The following GJC1 variants were observed in gnomAD, a reference collection of about 807,000 sequenced individuals.
GJC1 encodes the protein gap junction protein gamma 1, also known as gap junction gamma-1 protein.
GJC1 carries 5 observed loss-of-function variants against 29.3 expected under a neutral mutation model. That is an observed-to-expected ratio of 0.17 (90% CI 0.09 to 0.36). The LOEUF is 0.36. Ranked by LOEUF, GJC1 falls within the 10% of genes least tolerant of loss-of-function variation. GJC1 has a pLI of 1.00. For missense variants in GJC1, 310 were observed against 496.2 expected, an observed-to-expected ratio of 0.62 and a Z score of 3.56; for synonymous variants, 177 against 183.3, an observed-to-expected ratio of 0.97 and a Z score of 0.28.
chr17:44,812,334 T>TCAAAA (rs892396018), intron 1 of GJC1, among the ~76,000 whole-genome samples: 1 of 151,958 alleles, frequency 6.6e-6, no homozygotes, highest in South Asian at 2.1e-4. Flanking sequence ...AAAAATCAAA[T>TCAAAA]CAAAACAAAA....
intron 1 of GJC1, among the ~76,000 whole-genome samples, chr17:44,825,754 G>A (rs1399846811): frequency 6.7e-6 from 1 of 149,372 alleles, no homozygotes; most frequent in Non-Finnish European, 1.5e-5. Flanking sequence ...CACCCTGGGT[G>A]AAAGAGTGAG....
intron 2 of GJC1, among the ~76,000 whole-genome samples, chr17:44,806,401 G>GTTTTTTTTTTTTT (rs35152035): frequency 8.2e-6 from 1 of 122,136 alleles, no homozygotes; most frequent in Non-Finnish European, 1.7e-5. Flanking sequence ...TCTTCTGTTT[G>GTTTTTTTTTTTTT]TTTTTTTTTT....
intron 1 of GJC1, among the ~76,000 whole-genome samples, chr17:44,826,094 GTACTTTT>G (rs1485517064): frequency 3.9e-5 from 6 of 152,062 alleles, no homozygotes; most frequent in Non-Finnish European, 2.9e-5. Flanking sequence ...GTAATTTTTT[GTACTTTT>G]AGTAGAAATG....
Position 44,804,260 on chromosome 17 carries a change from A to T in GJC1, c.*367T>A, listed in dbSNP as rs2049884654. 2 of 179,412 alleles carry T rather than the reference A, an allele frequency of 1.1e-5. No homozygotes were observed. The highest frequency in any genetic ancestry group is 1.1e-4 in the Admixed American group (2 of 17,592). 11.1% of individuals were successfully genotyped at this position (179,412 alleles called of 1,614,324 possible). A position where few individuals can be genotyped will look rare whatever the true frequency, so the allele number is the denominator to read the frequency against. On this transcript the variant is annotated 3_prime_UTR_variant, in exon 3 of 3. Coordinates refer to ENST00000592524, the MANE Select transcript of GJC1 (RefSeq NM_005497.4). ...TCCCCTTTAATATAAAAGTATAACT[A>T]CAGCAGTTCAATGTACAAATACAAA... is the stretch of plus-strand genomic sequence containing the variant.
At chr17:44,797,406 AGTCCAATG>A (rs2049790598), downstream of GJC1, among the ~76,000 whole-genome samples, 1 of 152,216 alleles carries the variant, frequency 6.6e-6, no homozygotes, top group Non-Finnish European at 1.5e-5. Context: ...TCTAACAAGT[AGTCCAATG>A]GTCCAATGGT....
chr17:44,819,707 A>AAAT (rs2050087419), intron 1 of GJC1, among the ~76,000 whole-genome samples: 3 of 145,900 alleles, frequency 2.1e-5, no homozygotes, highest in South Asian at 2.3e-4. Context: ...AATAAATAAA[A>AAAT]AGAATTTCCT....
At chr17:44,821,708 AAAAAAAAAAAAAAAAAACAAC>A (rs1423227860) in intron 1 of GJC1, among the ~76,000 whole-genome samples, 2 of 146,060 alleles carry the variant, frequency 1.4e-5, no homozygotes, top group African/African-American at 5.1e-5. Context: ...AAAAAAAAAA[AAAAAAAAAAAAAAAAAACAAC>A]AAAAAAACAC....
At chr17:44,794,661 C>A (rs955213756), downstream of GJC1, 5 of 152,244 alleles carry the variant, frequency 3.3e-5, no homozygotes, top group African/African-American at 4.8e-5. Context: ...CGATCTAGTT[C>A]TGTATCATTT....
rs191992134 is a variant in GJC1 at position 44,823,152 on chromosome 17, G to C, written c.-97+6910C>G. On this transcript the variant is annotated intron_variant, in intron 1 of 2. Transcript: ENST00000592524. Reference sequence around the variant, plus strand: ...TATTGGGAGTTGAATATAGTTTAGAGATTAGAGGATAAGAATAGGGGTGTG... The same window carrying C: ...TATTGGGAGTTGAATATAGTTTAGACATTAGAGGATAAGAATAGGGGTGTG... Among the ~76,000 whole-genome samples, 569 of 151,822 alleles carry C rather than the reference G, an allele frequency of 3.7e-3. 4 individuals carry two copies. The highest frequency in any genetic ancestry group is 0.014 in the African/African-American group (559 of 41,402).
At chr17:44,825,403 T>A (rs886228815) in intron 1 of GJC1, among the ~76,000 whole-genome samples, 1 of 151,844 alleles carries the variant, frequency 6.6e-6, no homozygotes, top group Non-Finnish European at 1.5e-5. Flanking sequence ...GGCAAGAGAA[T>A]CTTGCCCAGG....
At chr17:44,795,907 T>A (rs975794805), downstream of GJC1, among the ~76,000 whole-genome samples, 41 of 152,220 alleles carry the variant, frequency 2.7e-4, no homozygotes, top group African/African-American at 9.6e-4. Flanking sequence ...GCTTGGAGAA[T>A]GAGTGCAAGG....
chr17:44,809,084 A>G (rs1458414957), intron 1 of GJC1, among the ~76,000 whole-genome samples: 1 of 148,548 alleles, frequency 6.7e-6, no homozygotes, highest in Non-Finnish European at 1.5e-5. Flanking sequence ...CCATCTCAAA[A>G]CAAAACAAAA....
chr17:44,796,983 A>G (rs940226870), downstream of GJC1, among the ~76,000 whole-genome samples: 9 of 152,162 alleles, frequency 5.9e-5, no homozygotes, highest in Non-Finnish European at 4.4e-5. Context: ...AGGAGCTCGG[A>G]CTACAGGTGA....
At position 44,830,209 on chromosome 17, in the gene GJC1, A is replaced by C. The variant is rs1233534743; in HGVS notation, c.-244T>G. 6.3e-6 allele frequency: 1 copy of C among 158,964 alleles called. No individual in the cohort carries two copies. The highest frequency in any genetic ancestry group is 1.3e-5 in the Non-Finnish European group (1 of 74,226). The allele number at this position is 158,964 out of a possible 1,614,324, so 9.8% of individuals were successfully genotyped here. ...CGCTGCCGCCTTCGCCTCAGTCTCC[A>C]GCCGAGGCAGAAGCCGCTCCCGCCG... On this transcript the variant is annotated 5_prime_UTR_variant, in exon 1 of 3. Coordinates refer to ENST00000592524, the MANE Select transcript of GJC1 (RefSeq NM_005497.4). The surrounding 1 kb of genome is among the most constrained non-coding windows in gnomAD (Gnocchi z 4.3).
At chr17:44,825,426 C>T (rs1045780652) in intron 1 of GJC1, among the ~76,000 whole-genome samples, 2 of 151,614 alleles carry the variant, frequency 1.3e-5, no homozygotes, top group Non-Finnish European at 2.9e-5. Flanking sequence ...GCAGAGGTTG[C>T]GGTGAGCCGA....
chr17:44,823,254 T>TTTTTTTTG (rs1555560199), intron 1 of GJC1, among the ~76,000 whole-genome samples: 40 of 148,064 alleles, frequency 2.7e-4, no homozygotes, highest in African/African-American at 9.7e-4. Context: ...TCCTGTTTTT[T>TTTTTTTTG]TTTTTTTTTT....
At chr17:44,828,639 A>C (rs59554890) in intron 1 of GJC1, among the ~76,000 whole-genome samples, 2,191 of 152,308 alleles carry the variant, frequency 0.014, 49 homozygotes, top group African/African-American at 0.05. Flanking sequence ...TTTAATTCTG[A>C]CATTACACAG....
chr17:44,826,054 G>C (rs1014922169), intron 1 of GJC1, among the ~76,000 whole-genome samples: 1 of 152,020 alleles, frequency 6.6e-6, no homozygotes, highest in Admixed American at 6.6e-5. Context: ...CCGAGTAGCT[G>C]GGATTACAGA....
chr17:44,826,533 A>G (rs1159894884), intron 1 of GJC1, among the ~76,000 whole-genome samples: 1 of 152,002 alleles, frequency 6.6e-6, no homozygotes, highest in East Asian at 1.9e-4. Context: ...CCGTCTAAAA[A>G]AAAAAAAAAA....
Sources: allele counts gnomAD v4.1 joint callset (sites outside exome capture counted in the v4.1 genomes callset), GRCh38; gene constraint gnomAD v4.1.1; non-coding constraint Gnocchi (gnomAD v3.1); transcripts MANE v1.5; gene names NCBI Gene and HGNC (gene_info 2026-07-23, HGNC 2026-07-21).